Variants in KCNH2 observed in about 807,000 individuals in gnomAD.
The protein encoded by KCNH2 is potassium voltage-gated channel subfamily H member 2, also known as voltage-gated inwardly rectifying potassium channel KCNH2.
KCNH2 carries 35 observed loss-of-function variants against 95.9 expected under a neutral mutation model. The observed-to-expected ratio is 0.37, with a 90% CI of 0.28 to 0.48. The LOEUF (loss-of-function observed/expected upper bound fraction) is 0.48. Among genes scored for constraint, KCNH2 ranks in the 20% least tolerant of loss-of-function variants. The pLI is 0.99. For synonymous variants in KCNH2, 786 were observed against 754.7 expected (o/e 1.04, Z -0.68); for missense variants, 1,274 against 1,702.9 (o/e 0.75, Z 4.43).
chr7:150,951,521 A>G lies in KCNH2; in HGVS notation c.1872T>C (p.Ser624=), dbSNP rs2116959929. The G allele has an allele frequency of 6.2e-7, 1 of 1,614,218 alleles. No homozygotes were observed. Among genetic ancestry groups the G allele is most frequent in the Non-Finnish European group, 8.5e-7 (1 of 1,180,036 alleles). The change falls in exon 7 of 15, where the codon AGT becomes AGC. Residue 624 remains serine (S), a synonymous_variant. Transcript: ENST00000262186. ...ALYFTFSSLT[S]VGFGNVSPNT... is the part of the protein sequence containing the mutation. ...TGGGAGAGACGTTGCCGAAGCCCAC[A>G]CTGGTGAGGCTGCTGAAGGTGAAGT...
chr7:150,968,711 A>G (rs1801764134), intron 2 of KCNH2, among the ~76,000 whole-genome samples: 1 of 152,208 alleles, frequency 6.6e-6, no homozygotes, highest in Admixed American at 6.5e-5. Context: ...TGTGGTTTCA[A>G]TTATTTGGGG....
chr7:150,947,806 C>T lies in KCNH2; in HGVS notation c.2765G>A (p.Arg922Gln), dbSNP rs199473439. The T allele has an allele frequency of 3.6e-5, 55 of 1,530,688 alleles. No homozygotes were observed. Among genetic ancestry groups the T allele is most frequent in the Non-Finnish European group, 4.4e-5 (50 of 1,143,700 alleles). The allele number at this position is 1,530,688 out of a possible 1,614,324, so 94.8% of individuals were successfully genotyped here. A position where few individuals can be genotyped will look rare whatever the true frequency, so the allele number is the denominator to read the frequency against. The change falls in exon 12 of 15, where the codon CGG becomes CAG. Residue 922 changes from arginine to glutamine, a missense_variant. Physicochemically the swap from Arg to Gln is conservative, Grantham distance 43 (BLOSUM62 1). This residue lies in a region of KCNH2 where 457 missense variants were observed against 416.1 expected (regional missense o/e 1.10). Coordinates refer to ENST00000262186, the MANE Select transcript of KCNH2 (RefSeq NM_000238.4). ...GCTCTCCCCCCACGGCCCCCCCGGC[C>T]GGCCCCGGCTACTCGGCCCTGCCCC... ...RAGAGPSSRG[R>Q]PGGPWGESPS...
rs952796308 is a variant in KCNH2 at position 150,945,297 on chromosome 7, T to C, written c.*68A>G. On this transcript the variant is annotated 3_prime_UTR_variant, in exon 15 of 15. Coordinates refer to ENST00000262186, the MANE Select transcript of KCNH2 (RefSeq NM_000238.4). The surrounding 1 kb of genome is among the most constrained non-coding windows in gnomAD (Gnocchi z 5.6). ...CGGTCAGGGCCTCCTGAGCAGGGCC[T>C]CCAAGGGGAGCGGCCCAGCAGCGCC... The C allele has an allele frequency of 5.3e-6, 8 of 1,510,336 alleles. No individual in the cohort carries two copies. In the African/African-American group the frequency reaches 1.1e-4, roughly 21 times the overall value. The allele number at this position is 1,510,336 out of a possible 1,614,324, so 93.6% of individuals were successfully genotyped here. A position where few individuals can be genotyped will look rare whatever the true frequency, so the allele number is the denominator to read the frequency against.
chr7:150,965,766 G>A (rs767518703), intron 2 of KCNH2, among the ~76,000 whole-genome samples: 4 of 152,238 alleles, frequency 2.6e-5, no homozygotes, highest in Non-Finnish European at 5.9e-5. Context: ...AGAGCCCTGA[G>A]GCCAGGGCAG....
intron 2 of KCNH2, among the ~76,000 whole-genome samples, chr7:150,966,155 C>T (rs1447951841): frequency 6.6e-6 from 1 of 152,172 alleles, no homozygotes; most frequent in Admixed American, 6.5e-5. Flanking sequence ...CCACACACAG[C>T]TTGCCACAGG....
chr7:150,963,226 G>A (rs900679634), intron 2 of KCNH2, among the ~76,000 whole-genome samples: 2 of 152,232 alleles, frequency 1.3e-5, no homozygotes, highest in African/African-American at 4.8e-5. Context: ...CAGACAAGGA[G>A]GGCGGAGGGG....
rs574980980 is a variant in KCNH2 at position 150,957,982 on chromosome 7, C to T, written c.916+77G>A. 8 of 1,178,602 alleles carry T rather than the reference C, an allele frequency of 6.8e-6. No homozygotes were observed. The South Asian group carries it at 9.8e-5, about 14-fold the overall frequency. The allele number at this position is 1,178,602 out of a possible 1,614,324, so 73.0% of individuals were successfully genotyped here. ...AGGACGTAGTGAAAAGGTCAGAAGC[C>T]GAGGGCCCAGAATGCAGCAAGCCTG... On this transcript the variant is annotated intron_variant, in intron 4 of 14. Coordinates refer to ENST00000262186, the MANE Select transcript of KCNH2 (RefSeq NM_000238.4).
At chr7:150,975,247 G>A (rs1801952844) in intron 1 of KCNH2, among the ~76,000 whole-genome samples, 1 of 152,154 alleles carries the variant, frequency 6.6e-6, no homozygotes, top group Non-Finnish European at 1.5e-5. Context: ...AGGCCAGCCT[G>A]GCGGGTGTCA....
intron 13 of KCNH2, 116 bp from the exon 14 acceptor site, chr7:150,947,170 G>T (rs1051229135): frequency 8.0e-6 from 9 of 1,119,378 alleles, no homozygotes; most frequent in Middle Eastern, 3.0e-4. Context: ...CAGGCCCTCC[G>T]CGCTAGAGGT....
In KCNH2 at chr7:150,952,953, G is replaced by A. The variant is rs562282384; in HGVS notation, c.1129-100C>T. On this transcript the variant is annotated intron_variant, in intron 5 of 14. Transcript: ENST00000262186. This position sits in a 1 kb window ranked among gnomAD's most constrained non-coding sequence, Gnocchi z 7.3. ...CCGGGGCCAAGCAGAATGAGGAGGA[G>A]GCCAAAAAAAGCTTCCATCAGAATG... 1.7e-6 allele frequency: 2 copies of A among 1,205,788 alleles called. No homozygotes were observed. The highest frequency in any genetic ancestry group is 1.4e-5 in the South Asian group (1 of 73,298). 74.7% of individuals were successfully genotyped at this position (1,205,788 alleles called of 1,614,324 possible).
intron 10 of KCNH2, 53 bp from the exon 11 acceptor site, chr7:150,948,596 G>C (rs1801013531): frequency 6.7e-7 from 1 of 1,489,828 alleles, no homozygotes; most frequent in East Asian, 2.3e-5. Context: ...GCCCCACCGG[G>C]GTCAGGCCCC....
At chr7:150,950,066 A>C (rs746416196) in intron 9 of KCNH2, 102 bp downstream of exon 9, 2 of 1,612,668 alleles carry the variant, frequency 1.2e-6, no homozygotes, top group Non-Finnish European at 1.7e-6. Flanking sequence ...CCCTGCAGGC[A>C]GTCCCAGGTC....
intron 10 of KCNH2, 127 bp from the exon 11 acceptor site, chr7:150,948,670 T>C (rs1801017318): frequency 1.8e-6 from 2 of 1,091,372 alleles, no homozygotes; most frequent in Non-Finnish European, 2.7e-6. Flanking sequence ...AACCCTTCCC[T>C]GCCCCCAATG....
chr7:150,971,116 G>A (rs762132841), intron 2 of KCNH2, among the ~76,000 whole-genome samples: 34 of 152,338 alleles, frequency 2.2e-4, no homozygotes, highest in Non-Finnish European at 3.7e-4. Flanking sequence ...AAATGAAGAA[G>A]GCAAGGAAGA....
chr7:150,951,732 A>G lies in KCNH2; in HGVS notation c.1661T>C (p.Met554Thr), dbSNP rs1584854609. ...GTGCGCGATGAGCGCAAAGGTGCACATGAGCAAGAACAGCACGGCCGCGCC... is the reference window on the plus strand; with the variant it reads ...GTGCGCGATGAGCGCAAAGGTGCACGTGAGCAAGAACAGCACGGCCGCGCC... ...EYGAAVLFLL[M>T]CTFALIAHWL... is the part of the protein sequence containing the mutation. Residue 554 changes from methionine (M) to threonine (T), a missense_variant, in exon 7 of 15, where the codon ATG becomes ACG. Met to Thr is a moderately conservative substitution (Grantham distance 81). Transcript: ENST00000262186. 1.2e-6 allele frequency: 2 copies of G among 1,613,082 alleles called. No homozygotes were observed. Among genetic ancestry groups the G allele is most frequent in the Non-Finnish European group, 8.5e-7 (1 of 1,179,054 alleles).
chr7:150,955,626 AGAGCAGCCCCT>A (rs1173858363), intron 5 of KCNH2: 7 of 1,429,498 alleles, frequency 4.9e-6, no homozygotes, highest in Non-Finnish European at 5.5e-6. Flanking sequence ...ACTGGCAACC[AGAGCAGCCCCT>A]GGCATGAAGC....
intron 2 of KCNH2, among the ~76,000 whole-genome samples, chr7:150,960,865 GC>G (rs1336078576): frequency 8.5e-5 from 3 of 35,326 alleles, no homozygotes; most frequent in African/African-American, 2.1e-4. Context: ...CTGCCCCACC[GC>G]CCCCCGCCCC....
intron 5 of KCNH2, among the ~76,000 whole-genome samples, chr7:150,956,949 C>T (rs1801394467): frequency 6.6e-6 from 1 of 152,128 alleles, no homozygotes; most frequent in African/African-American, 2.4e-5. Flanking sequence ...TCCCTCAGGC[C>T]GCCTTCCCCC....
intron 2 of KCNH2, among the ~76,000 whole-genome samples, chr7:150,971,373 C>G (rs893696935): frequency 2.6e-5 from 4 of 152,100 alleles, no homozygotes; most frequent in East Asian, 1.9e-4. Flanking sequence ...TCCCAACAGC[C>G]GCAGCATCAG....
Sources: gnomAD v4.1 joint callset for allele counts (sites outside exome capture counted in the v4.1 genomes callset) on GRCh38, gnomAD v4.1.1 for gene constraint, gnomAD v4.1.1 regional missense constraint, Gnocchi (gnomAD v3.1) non-coding constraint, MANE v1.5 for transcripts, NCBI Gene and HGNC (gene_info 2026-07-23, HGNC 2026-07-21) for gene names.